The following EXOC6 variants were observed in gnomAD, a reference collection of about 807,000 sequenced individuals.
The protein encoded by EXOC6 is SEC15-like 1.
EXOC6 carries 60 observed loss-of-function variants against 112.5 expected under a neutral mutation model. That is an observed-to-expected ratio of 0.53 (90% confidence interval 0.43 to 0.66). EXOC6 has a LOEUF of 0.66. Ranked by LOEUF, EXOC6 falls within the 30% of genes least tolerant of loss-of-function variation. The pLI is 0.00. For synonymous variants in EXOC6, 295 were observed against 308.0 expected (o/e 0.96, Z 0.44); for missense variants, 855 against 957.1 (o/e 0.89, Z 1.41).
upstream of EXOC6, among the ~76,000 whole-genome samples, chr10:92,844,199 A>C (rs1589681866): frequency 1.3e-5 from 2 of 152,092 alleles, no homozygotes; most frequent in South Asian, 4.2e-4. Flanking sequence ...TTACAACATT[A>C]AGCTTAATAC....
At chr10:92,923,320 G>A (rs1851544307) in intron 8 of EXOC6, among the ~76,000 whole-genome samples, 1 of 152,128 alleles carries the variant, frequency 6.6e-6, no homozygotes, top group Admixed American at 6.5e-5. Flanking sequence ...CTCAGATTCT[G>A]TTCCTAGGAC....
intron 1 of EXOC6, among the ~76,000 whole-genome samples, chr10:92,870,773 A>C (rs1848409178): frequency 6.7e-6 from 1 of 150,290 alleles, no homozygotes; most frequent in Non-Finnish European, 1.5e-5. Flanking sequence ...CAGTGATGCG[A>C]TCTTGGCTCA....
intron 4 of EXOC6, among the ~76,000 whole-genome samples, chr10:92,898,188 G>A (rs540978035): frequency 3.1e-4 from 47 of 152,024 alleles, no homozygotes; most frequent in African/African-American, 1.1e-3. Flanking sequence ...GGAGGCTGAG[G>A]TGGGAGGATC....
intron 5 of EXOC6, among the ~76,000 whole-genome samples, chr10:92,903,313 T>C (rs188091538): frequency 3.0e-4 from 46 of 152,128 alleles, no homozygotes; most frequent in African/African-American, 1.1e-3. Context: ...TAAAATAGTA[T>C]CTCATTGTTT....
At chr10:92,975,650 T>C (rs1437743859) in intron 18 of EXOC6, among the ~76,000 whole-genome samples, 4 of 122,966 alleles carry the variant, frequency 3.3e-5, no homozygotes, top group East Asian at 2.6e-4. Flanking sequence ...AGCCACCCCG[T>C]CCGGGAGGTG....
chr10:92,838,599 TA>T (rs1203799771), intron 1 of EXOC6, among the ~76,000 whole-genome samples: 1 of 152,210 alleles, frequency 6.6e-6, no homozygotes, highest in African/African-American at 2.4e-5. Context: ...AAACATCCAT[TA>T]AAGCCATCTC....
intron 18 of EXOC6, among the ~76,000 whole-genome samples, chr10:92,986,681 TAAAA>T (rs751652354): frequency 1.1e-4 from 14 of 125,184 alleles, no homozygotes; most frequent in Non-Finnish European, 1.9e-4. Context: ...TATCTTTTTC[TAAAA>T]AAAAAAAAAA....
intron 19 of EXOC6, among the ~76,000 whole-genome samples, chr10:93,001,918 C>G (rs1245637519): frequency 6.6e-6 from 1 of 152,194 alleles, no homozygotes; most frequent in African/African-American, 2.4e-5. Flanking sequence ...TCTGAACAAA[C>G]TGGTTTAACT....
intron 9 of EXOC6, among the ~76,000 whole-genome samples, chr10:92,931,115 GAAAAAAAAAA>G (rs60087746): frequency 2.8e-5 from 2 of 70,612 alleles, no homozygotes; most frequent in African/African-American, 1.0e-4. Flanking sequence ...CATCTCAGAA[GAAAAAAAAAA>G]AAAAAAAAAA....
chr10:92,935,745 G>A, intron 11 of EXOC6, 69 bp from the exon 12 acceptor site: 1 of 1,058,406 alleles, frequency 9.4e-7, no homozygotes, highest in Non-Finnish European at 1.4e-6. Context: ...TTATTTCTTA[G>A]TTTTTAATCA....
At chr10:93,045,600 A>G (rs1024394048) in intron 20 of EXOC6, among the ~76,000 whole-genome samples, 5 of 152,186 alleles carry the variant, frequency 3.3e-5, no homozygotes, top group African/African-American at 9.7e-5. Flanking sequence ...TCCAAAGTCA[A>G]TTCATACAAG....
chr10:92,895,471 A>C (rs551586704), intron 4 of EXOC6, among the ~76,000 whole-genome samples: 1 of 152,238 alleles, frequency 6.6e-6, no homozygotes, highest in South Asian at 2.1e-4. Flanking sequence ...TGATAAGGTA[A>C]GAAAAACATC....
At chr10:92,827,293 G>A (rs1054214327) in intron 1 of EXOC6, among the ~76,000 whole-genome samples, 1 of 151,464 alleles carries the variant, frequency 6.6e-6, no homozygotes, top group African/African-American at 2.4e-5. Flanking sequence ...GGGCAACATG[G>A]AGGAATCCCA....
intron 17 of EXOC6, among the ~76,000 whole-genome samples, chr10:92,965,388 T>C (rs1200474145): frequency 6.6e-6 from 1 of 152,174 alleles, no homozygotes; most frequent in Non-Finnish European, 1.5e-5. Flanking sequence ...CAAATTATGC[T>C]AGATACATTT....
chr10:92,999,906 A>G (rs1590010547), intron 19 of EXOC6, among the ~76,000 whole-genome samples: 1 of 151,638 alleles, frequency 6.6e-6, no homozygotes, highest in African/African-American at 2.4e-5. Context: ...GTTTCAACAT[A>G]TTGGCCAGGC....
intron 20 of EXOC6, among the ~76,000 whole-genome samples, chr10:93,050,337 G>A (rs1846220286): frequency 2.0e-5 from 3 of 152,136 alleles, no homozygotes. Flanking sequence ...GATCACTTGA[G>A]GCCAGGAGTT....
At chr10:92,986,227 G>T (rs542468964) in intron 18 of EXOC6, among the ~76,000 whole-genome samples, 33 of 152,138 alleles carry the variant, frequency 2.2e-4, no homozygotes, top group African/African-American at 7.5e-4. Flanking sequence ...TAACTTTGTG[G>T]CCTTTATATC....
chr10:93,000,355 A>G (rs1476390961), intron 19 of EXOC6, among the ~76,000 whole-genome samples: 1 of 152,170 alleles, frequency 6.6e-6, no homozygotes, highest in Admixed American at 6.5e-5. Context: ...ACACCCTGGA[A>G]TCTTTGCCTC....
At chr10:92,996,461 C>G (rs762837332) in intron 18 of EXOC6, among the ~76,000 whole-genome samples, 19 of 152,006 alleles carry the variant, frequency 1.2e-4, no homozygotes, top group Non-Finnish European at 2.5e-4. Context: ...ACTGAAAACA[C>G]AAAAAATTAG....
Sources: gnomAD v4.1 joint callset for allele counts (sites outside exome capture counted in the v4.1 genomes callset) on GRCh38, gnomAD v4.1.1 for gene constraint, MANE v1.5 for transcripts, NCBI Gene and HGNC (gene_info 2026-07-23, HGNC 2026-07-21) for gene names.